The following B3GLCT variants were observed in gnomAD, a reference collection of about 807,000 sequenced individuals.
B3GLCT encodes beta-1,3-glucosyltransferase.
In B3GLCT, 65 loss-of-function variants were observed where a neutral mutation model predicts 63.4. That is an observed-to-expected ratio of 1.03 (90% CI 0.84 to 1.26). B3GLCT has a LOEUF of 1.26. B3GLCT is among the 50% of genes most tolerant of loss of function. The pLI, the probability that B3GLCT is intolerant of heterozygous loss-of-function variation, is 0.00. For missense variants in B3GLCT, 577 were observed against 604.8 expected (o/e 0.95, Z 0.48); for synonymous variants, 233 against 219.2 (o/e 1.06, Z -0.55).
In B3GLCT at chr13:31,323,913, A is replaced by G; in HGVS notation, c.1329+18A>G. 1 of 1,613,884 alleles carries G rather than the reference A, an allele frequency of 6.2e-7. No individual in the cohort carries two copies. Among genetic ancestry groups the G allele is most frequent in the Non-Finnish European group, 8.5e-7 (1 of 1,179,818 alleles). ...TCCATCAGGTGAGGAAATGGTTTTT[A>G]TTCTTCCCTCATGGCAGGTGAGGGA... On this transcript the variant is annotated intron_variant, in intron 14 of 14. Transcript: ENST00000343307.
Position 31,330,939 on chromosome 13 carries a change from AAT to A in B3GLCT, c.*1274_*1275del, listed in dbSNP as rs1875891208. 1 of 152,174 alleles carries A rather than the reference AAT, an allele frequency of 6.6e-6. No individual in the cohort carries two copies. The highest frequency in any genetic ancestry group is 1.5e-5 in the Non-Finnish European group (1 of 68,026). The allele number at this position is 152,174 out of a possible 1,614,324, so 9.4% of individuals were successfully genotyped here. ...ACCACCAAAAGTACCTGTGTGTGTT[AAT>A]ATGTTTTTCTTGTAGCATAGATTGA... On this transcript the variant is annotated 3_prime_UTR_variant, in exon 15 of 15. Coordinates refer to ENST00000343307, the MANE Select transcript of B3GLCT (RefSeq NM_194318.4).
Position 31,329,699 on chromosome 13 carries a change from A to G in B3GLCT, c.*31A>G, listed in dbSNP as rs748124193. On this transcript the variant is annotated 3_prime_UTR_variant, in exon 15 of 15. Transcript: ENST00000343307. ...GGTGACCTGTGCGCCTAGCCTGCGC[A>G]GGGAATGAACTGGAGACTGTGGCCT... 5.6e-6 allele frequency: 9 copies of G among 1,612,296 alleles called. No individual in the cohort carries two copies. The East Asian group carries it at 1.3e-4, about 24-fold the overall frequency.
At chr13:31,205,838 G>T (rs1240687488) in intron 1 of B3GLCT, among the ~76,000 whole-genome samples, 1 of 152,222 alleles carries the variant, frequency 6.6e-6, no homozygotes, top group African/African-American at 2.4e-5. Context: ...ATGTTGTAAA[G>T]CTGAGGGTTT....
intron 1 of B3GLCT, among the ~76,000 whole-genome samples, chr13:31,200,994 A>C (rs1868635921): frequency 7.2e-6 from 1 of 139,582 alleles, no homozygotes; most frequent in Admixed American, 7.6e-5. Context: ...TTATCTTAAA[A>C]CGATGTGATA....
chr13:31,275,545 C>G (rs1872743293), intron 9 of B3GLCT, among the ~76,000 whole-genome samples: 2 of 152,330 alleles, frequency 1.3e-5, no homozygotes, highest in Admixed American at 6.5e-5. Flanking sequence ...TTTACTCTTT[C>G]AGCAGGTGGC....
At chr13:31,269,091 G>A (rs1046804267) in intron 7 of B3GLCT, 123 bp from the exon 8 acceptor site, 4 of 718,792 alleles carry the variant, frequency 5.6e-6, no homozygotes, top group Non-Finnish European at 9.6e-6. Flanking sequence ...AATTTAAACT[G>A]TTATTTTTAT....
chr13:31,321,246 C>T (rs920574514), intron 13 of B3GLCT, among the ~76,000 whole-genome samples: 3 of 152,188 alleles, frequency 2.0e-5, no homozygotes, highest in East Asian at 1.9e-4. Context: ...CAGGAACATT[C>T]GTCATGAGAT....
At chr13:31,219,471 G>C (rs1869716010) in intron 2 of B3GLCT, among the ~76,000 whole-genome samples, 1 of 152,148 alleles carries the variant, frequency 6.6e-6, no homozygotes, top group African/African-American at 2.4e-5. Context: ...CACATTTAAA[G>C]TGCTACCTAA....
intron 14 of B3GLCT, among the ~76,000 whole-genome samples, chr13:31,324,994 A>C (rs2137949472): frequency 6.6e-6 from 1 of 152,350 alleles, no homozygotes; most frequent in East Asian, 1.9e-4. Flanking sequence ...GATGTGAGCC[A>C]CTGCACCTGG....
chr13:31,296,151 A>T (rs775165226), intron 12 of B3GLCT, among the ~76,000 whole-genome samples: 55 of 152,252 alleles, frequency 3.6e-4, no homozygotes, highest in Admixed American at 7.2e-4. Flanking sequence ...CCCACTGTCC[A>T]ACCAGTCCCA....
At chr13:31,289,460 A>G (rs1873530897) in intron 12 of B3GLCT, among the ~76,000 whole-genome samples, 1 of 152,212 alleles carries the variant, frequency 6.6e-6, no homozygotes. Flanking sequence ...CACATGGCAT[A>G]TTATATTCAG....
At position 31,315,211 on chromosome 13, in the gene B3GLCT, T is replaced by G. The variant is rs146665171; in HGVS notation, c.1065-2355T>G. 9.0e-3 allele frequency among the ~76,000 whole-genome samples: 1,364 copies of G among 152,260 alleles called. 23 individuals are homozygous for G. The highest frequency in any genetic ancestry group is 0.031 in the African/African-American group (1,284 of 41,550). ...ATGTGGAAGTGACTTTGGAACTGGGTAACAGGCAGAGGTTGGAACAGTTTG... is the reference window on the plus strand; with the variant it reads ...ATGTGGAAGTGACTTTGGAACTGGGGAACAGGCAGAGGTTGGAACAGTTTG... On this transcript the variant is annotated intron_variant, in intron 12 of 14. Coordinates refer to ENST00000343307, the MANE Select transcript of B3GLCT (RefSeq NM_194318.4).
intron 12 of B3GLCT, among the ~76,000 whole-genome samples, chr13:31,290,515 T>C (rs1873601722): frequency 6.6e-6 from 1 of 152,234 alleles, no homozygotes; most frequent in East Asian, 1.9e-4. Context: ...CCACATCCTC[T>C]CCAGCATCTG....
intron 1 of B3GLCT, among the ~76,000 whole-genome samples, chr13:31,206,591 A>T (rs1430105861): frequency 6.6e-6 from 1 of 151,518 alleles, no homozygotes; most frequent in Non-Finnish European, 1.5e-5. Context: ...ATGCAAAAAA[A>T]AAAAAAAAAA....
intron 7 of B3GLCT, 135 bp from the exon 8 acceptor site, chr13:31,269,079 G>A: frequency 1.5e-6 from 1 of 657,812 alleles, no homozygotes. Flanking sequence ...TTTCCCTCAA[G>A]GAATTTAAAC....
chr13:31,228,460 C>T (rs1400837147), intron 3 of B3GLCT, among the ~76,000 whole-genome samples: 2 of 152,156 alleles, frequency 1.3e-5, no homozygotes, highest in Non-Finnish European at 2.9e-5. Flanking sequence ...TCTCACAGTT[C>T]TGGAGGTTAG....
intron 13 of B3GLCT, among the ~76,000 whole-genome samples, chr13:31,319,105 C>T (rs187633680): frequency 1.3e-5 from 2 of 152,264 alleles, no homozygotes; most frequent in East Asian, 3.9e-4. Context: ...CAGCCCCTTC[C>T]CCACAGGACC....
At chr13:31,223,729 C>G (rs1335412200) in intron 3 of B3GLCT, among the ~76,000 whole-genome samples, 1 of 152,068 alleles carries the variant, frequency 6.6e-6, no homozygotes, top group Admixed American at 6.5e-5. Flanking sequence ...TGTCTTTCCT[C>G]CCAGGGTAGG....
intron 4 of B3GLCT, among the ~76,000 whole-genome samples, chr13:31,242,401 C>T (rs548516591): frequency 6.6e-6 from 1 of 152,344 alleles, no homozygotes; most frequent in African/African-American, 2.4e-5. Context: ...CAGCTGTTTA[C>T]TGTATTCCTA....
Sources: allele counts gnomAD v4.1 joint callset (sites outside exome capture counted in the v4.1 genomes callset), GRCh38; gene constraint gnomAD v4.1.1; transcripts MANE v1.5; gene names NCBI Gene and HGNC (gene_info 2026-07-23, HGNC 2026-07-21).